The following RCOR2 variants were observed in gnomAD, a reference collection of about 807,000 sequenced individuals.
The protein encoded by RCOR2 is REST corepressor 2.
In RCOR2, 19 loss-of-function variants were observed where a neutral mutation model predicts 58.9. The ratio of observed to expected loss-of-function variants is 0.32; its 90% CI spans 0.23 to 0.47. RCOR2 has a LOEUF of 0.47. Ranked by LOEUF, RCOR2 falls within the 20% of genes least tolerant of loss-of-function variation. The pLI is 1.00. For missense variants in RCOR2, 590 were observed against 707.9 expected, an observed-to-expected ratio of 0.83 and a Z score of 1.89; for synonymous variants, 286 against 278.7, an observed-to-expected ratio of 1.03 and a Z score of -0.26.
In RCOR2 at chr11:63,914,126, T is replaced by A. The variant is rs940205712; in HGVS notation, c.719A>T (p.Lys240Ile). ...GTACTGAGACACCTGGACCTCCTTTTTCCCAGGGCCTGGGCGTGCATTCAG... is the reference window on the plus strand; with the variant it reads ...GTACTGAGACACCTGGACCTCCTTTATCCCAGGGCCTGGGCGTGCATTCAG... ...RPLNARPGPG[K>I]KEVQVSQYRH... The change falls in exon 8 of 12, where the codon AAA becomes ATA. Residue 240 changes from lysine to isoleucine, a missense_variant. Coordinates refer to ENST00000301459, the MANE Select transcript of RCOR2 (RefSeq NM_173587.4). 1.5e-5 allele frequency: 25 copies of A among 1,613,876 alleles called. No individual in the cohort carries two copies. The highest frequency in any genetic ancestry group is 2.0e-5 in the Non-Finnish European group (24 of 1,179,994).
chr11:63,918,484 G>T (rs1278315249), upstream of RCOR2, among the ~76,000 whole-genome samples: 2 of 152,216 alleles, frequency 1.3e-5, no homozygotes, highest in Admixed American at 6.5e-5. Flanking sequence ...CCACACCTCG[G>T]GCCAGGGCTA....
chr11:63,919,444 C>A (rs186211708), upstream of RCOR2, among the ~76,000 whole-genome samples: 1 of 152,210 alleles, frequency 6.6e-6, no homozygotes, highest in Non-Finnish European at 1.5e-5. Context: ...CCCGGGGCTG[C>A]GGGGCGGGGC....
rs201131662 is a variant in RCOR2 at position 63,914,636 on chromosome 11, G to T, written c.480+19C>A. 12 of 1,603,634 alleles carry T rather than the reference G, an allele frequency of 7.5e-6. No homozygotes were observed. Among genetic ancestry groups the T allele is most frequent in the Admixed American group, 5.1e-5 (3 of 59,126 alleles). On this transcript the variant is annotated intron_variant, in intron 5 of 11. Coordinates refer to ENST00000301459, the MANE Select transcript of RCOR2 (RefSeq NM_173587.4). ...GAGGGGCAGAGGAGCGCCGGGGAGT[G>T]GGGGTGGAAGGGCTTTACCATCTGC...
rs941865434 is a variant in RCOR2 at position 63,917,133 on chromosome 11, C to G, written c.-677G>C. Among the ~76,000 whole-genome samples, 18 of 151,886 alleles carry G rather than the reference C, an allele frequency of 1.2e-4. No individual in the cohort carries two copies. The highest frequency in any genetic ancestry group is 3.2e-3 in the Middle Eastern group (1 of 316). ...TCGGGATGCCGCTTGCTCGCCCGCT[C>G]TCCGCCGCCGCTCGCTCCTCGCGCA... On this transcript the variant is annotated 5_prime_UTR_variant, in exon 1 of 12. Coordinates refer to ENST00000301459, the MANE Select transcript of RCOR2 (RefSeq NM_173587.4).
the RCOR2 span, among the ~76,000 whole-genome samples, chr11:63,924,264 G>A: frequency 2.0e-5 from 3 of 151,714 alleles, no homozygotes; most frequent in African/African-American, 7.3e-5. Context: ...CTGGAGTCTG[G>A]TGGCATGATC....
upstream of RCOR2, among the ~76,000 whole-genome samples, chr11:63,919,690 AGAACCCG>A (rs1941903657): frequency 6.6e-6 from 1 of 152,194 alleles, no homozygotes; most frequent in African/African-American, 2.4e-5. Context: ...AGCGCGGCCG[AGAACCCG>A]GGGCCCTCAC....
chr11:63,914,334 C>T lies in RCOR2; in HGVS notation c.606-4G>A. The T allele has an allele frequency of 6.2e-7, 1 of 1,613,546 alleles. No individual in the cohort carries two copies. ...TCGACCCTCTTCGAGCTCATCACTG[C>T]TGACACAGGGGCCAGGGAGGGAATG... On this transcript the variant is annotated splice_polypyrimidine_tract_variant and splice_region_variant and intron_variant, in intron 6 of 11. Coordinates refer to ENST00000301459, the MANE Select transcript of RCOR2 (RefSeq NM_173587.4).
chr11:63,916,555 G>A lies in RCOR2; in HGVS notation c.-99C>T. 2 of 1,473,294 alleles carry A rather than the reference G, an allele frequency of 1.4e-6. No homozygotes were observed. Among genetic ancestry groups the A allele is most frequent in the Non-Finnish European group, 1.8e-6 (2 of 1,114,380 alleles). 91.3% of individuals were successfully genotyped at this position (1,473,294 alleles called of 1,614,324 possible). ...GCCGAGCCCGGCCCGGCCTGGAGAGGTCGCCACTGAGGTTAGGAGAGGCAG... is the reference window on the plus strand; with the variant it reads ...GCCGAGCCCGGCCCGGCCTGGAGAGATCGCCACTGAGGTTAGGAGAGGCAG... On this transcript the variant is annotated 5_prime_UTR_variant, in exon 1 of 12. Coordinates refer to ENST00000301459, the MANE Select transcript of RCOR2 (RefSeq NM_173587.4).
upstream of RCOR2, among the ~76,000 whole-genome samples, chr11:63,921,233 G>A (rs1410412024): frequency 2.0e-5 from 3 of 152,146 alleles, no homozygotes; most frequent in Non-Finnish European, 4.4e-5. Context: ...CCGGAAACTG[G>A]GATTGGGGGT....
chr11:63,921,139 G>A (rs1422871032), upstream of RCOR2, among the ~76,000 whole-genome samples: 1 of 152,184 alleles, frequency 6.6e-6, no homozygotes, highest in African/African-American at 2.4e-5. Flanking sequence ...TGACATCCCT[G>A]GGGAAGGGTC....
chr11:63,927,644 A>G, the RCOR2 span, among the ~76,000 whole-genome samples: 1 of 152,066 alleles, frequency 6.6e-6, no homozygotes, highest in Non-Finnish European at 1.5e-5. Flanking sequence ...AGCAACTTAC[A>G]CAGTTTCACA....
chr11:63,922,455 C>T, the RCOR2 span, among the ~76,000 whole-genome samples: 180 of 152,250 alleles, frequency 1.2e-3, no homozygotes, highest in Non-Finnish European at 9.4e-4. Flanking sequence ...CAGGTTTAAG[C>T]GATTCTTTTG....
chr11:63,912,193 A>T lies in RCOR2; in HGVS notation c.1258-14T>A. 1 of 1,576,792 alleles carries T rather than the reference A, an allele frequency of 6.3e-7. No homozygotes were observed. The highest frequency in any genetic ancestry group is 8.6e-7 in the Non-Finnish European group (1 of 1,162,324). ...TGTAATCTGGACCTGAGGGGAGAGG[A>T]AAGAGTGAGAAGCCAGGCTCTTCCC... On this transcript the variant is annotated splice_polypyrimidine_tract_variant and intron_variant, in intron 11 of 11. Coordinates refer to ENST00000301459, the MANE Select transcript of RCOR2 (RefSeq NM_173587.4).
At chr11:63,913,184 A>ATATATATTTT (rs1295322127) in intron 8 of RCOR2, among the ~76,000 whole-genome samples, 2 of 77,858 alleles carry the variant, frequency 2.6e-5, no homozygotes, top group African/African-American at 1.2e-4. Flanking sequence ...ATATATATAT[A>ATATATATTTT]TTTTTTTTTT....
At chr11:63,912,249 C>T (rs371824320) in intron 11 of RCOR2, 56 bp downstream of exon 11, 28 of 1,587,048 alleles carry the variant, frequency 1.8e-5, no homozygotes, top group South Asian at 8.8e-5. Context: ...ACCAAGGCGG[C>T]GCCTCACCTC....
At position 63,912,927 on chromosome 11, in the gene RCOR2, C is replaced by G. The variant is rs1268981788; in HGVS notation, c.912G>C (p.Thr304=). 1.2e-6 allele frequency: 2 copies of G among 1,613,318 alleles called. No homozygotes were observed. Among genetic ancestry groups the G allele is most frequent in the Non-Finnish European group, 1.7e-6 (2 of 1,179,762 alleles). The change falls in exon 9 of 12, where the codon ACG becomes ACC. Residue 304 remains threonine (T), a synonymous_variant. Coordinates refer to ENST00000301459, the MANE Select transcript of RCOR2 (RefSeq NM_173587.4). ...CCAGGGCTTGGCGCAGGCTGCTGTT[C>G]GTCTGCTTCATGCTCTGTACCTGGG... ...LKRQVQSMKQ[T]NSSLRQALEG...
the RCOR2 span, among the ~76,000 whole-genome samples, chr11:63,925,352 A>G: frequency 2.6e-5 from 4 of 152,138 alleles, no homozygotes; most frequent in Admixed American, 6.5e-5. Context: ...AGCCTTTCCC[A>G]AGGCCCTGGA....
chr11:63,927,140 C>T, the RCOR2 span, among the ~76,000 whole-genome samples: 1 of 151,918 alleles, frequency 6.6e-6, no homozygotes, highest in African/African-American at 2.4e-5. Flanking sequence ...TGTGCCTGGC[C>T]CCCTTGCTGT....
rs928903997 is a variant in RCOR2, at chr11:63,916,727, G to A, written c.-271C>T. 3.4e-5 allele frequency: 17 copies of A among 500,570 alleles called. 1 individual carries two copies. The Middle Eastern group carries it at 1.6e-3, about 47-fold the overall frequency. The allele number at this position is 500,570 out of a possible 1,614,324, so 31.0% of individuals were successfully genotyped here. Reference sequence around the variant, plus strand: ...GAGCGCAAGGTCCGGTGCGGCTGGGGCGTGATTACTATGTACGCCCCTCAG... The same window carrying A: ...GAGCGCAAGGTCCGGTGCGGCTGGGACGTGATTACTATGTACGCCCCTCAG... On this transcript the variant is annotated 5_prime_UTR_variant, in exon 1 of 12. Transcript: ENST00000301459.
Sources: allele counts gnomAD v4.1 joint callset (sites outside exome capture counted in the v4.1 genomes callset), GRCh38; gene constraint gnomAD v4.1.1; transcripts MANE v1.5; gene names NCBI Gene and HGNC (gene_info 2026-07-23, HGNC 2026-07-21).